The following DPP6 variants were observed in gnomAD, a reference collection of about 807,000 sequenced individuals.
The protein encoded by DPP6 is A-type potassium channel modulatory protein DPP6.
In DPP6, 69 loss-of-function variants were observed where a neutral mutation model predicts 122.6. That is an observed-to-expected ratio of 0.56 (90% CI 0.46 to 0.69). DPP6 has a LOEUF of 0.69. Among genes scored for constraint, DPP6 ranks in the 30% least tolerant of loss-of-function variants. The pLI, the probability that DPP6 is intolerant of heterozygous loss-of-function variation, is 0.00. For missense variants in DPP6, 928 were observed against 1,116.9 expected, an observed-to-expected ratio of 0.83 and a Z score of 2.41; for synonymous variants, 418 against 433.1, an observed-to-expected ratio of 0.97 and a Z score of 0.43.
chr7:154,321,291 G>GA (rs963207899), intron 1 of DPP6, among the ~76,000 whole-genome samples: 4 of 148,612 alleles, frequency 2.7e-5, no homozygotes, highest in African/African-American at 5.0e-5. Context: ...AAAAAAAAAA[G>GA]AAAAAATGCT....
At position 154,550,041 on chromosome 7, in the gene DPP6, ATGAG is replaced by A. The variant is rs1447825202; in HGVS notation, c.552+9417_552+9420del. On this transcript the variant is annotated intron_variant, in intron 4 of 25. Transcript: ENST00000377770. ...TTGTTATTTTATTTGGAAATAAAGAATGAGTATTATTTAAATTGAACATAACTTT... is the reference window on the plus strand; with the variant it reads ...TTGTTATTTTATTTGGAAATAAAGAATATTATTTAAATTGAACATAACTTT... Among the ~76,000 whole-genome samples the A allele has an allele frequency of 3.3e-5, 5 of 152,322 alleles. No individual in the cohort carries two copies. The East Asian group carries it at 9.6e-4, about 29-fold the overall frequency.
chr7:154,616,860 A>G (rs1834295651), intron 5 of DPP6, among the ~76,000 whole-genome samples: 1 of 152,198 alleles, frequency 6.6e-6, no homozygotes. Context: ...TACATCTTCA[A>G]ATTTTGTCTT....
At chr7:153,982,034 T>C (rs753114135) in intron 1 of DPP6, among the ~76,000 whole-genome samples, 1 of 152,236 alleles carries the variant, frequency 6.6e-6, no homozygotes, top group Non-Finnish European at 1.5e-5. Flanking sequence ...GGGTTGCCCT[T>C]CTTGAGGAGT....
chr7:154,414,644 C>G (rs1816869122), intron 1 of DPP6, among the ~76,000 whole-genome samples: 1 of 152,228 alleles, frequency 6.6e-6, no homozygotes, highest in African/African-American at 2.4e-5. Context: ...CAAAACAGAT[C>G]TGCTGTCAGA....
intron 1 of DPP6, among the ~76,000 whole-genome samples, chr7:154,337,184 A>G (rs1809501912): frequency 6.6e-6 from 1 of 152,204 alleles, no homozygotes. Context: ...ACTAGGGACA[A>G]GTGACTTTCA....
intron 1 of DPP6, among the ~76,000 whole-genome samples, chr7:154,356,287 G>A (rs1563536524): frequency 1.3e-5 from 2 of 152,130 alleles, no homozygotes; most frequent in South Asian, 2.1e-4. Context: ...TTATTTGGAT[G>A]TTTATTTTTC....
intron 1 of DPP6, among the ~76,000 whole-genome samples, chr7:154,295,311 C>A (rs370902447): frequency 6.6e-6 from 1 of 152,180 alleles, no homozygotes; most frequent in Admixed American, 6.5e-5. Flanking sequence ...TCATACAAAT[C>A]ACTCAGACTG....
chr7:154,378,451 A>G (rs985779916), intron 1 of DPP6, among the ~76,000 whole-genome samples: 8 of 152,214 alleles, frequency 5.3e-5, no homozygotes, highest in Admixed American at 5.2e-4. Flanking sequence ...AAACATCAAA[A>G]AGTTGAGAAA....
the DPP6 span, among the ~76,000 whole-genome samples, chr7:153,813,287 T>G: frequency 6.6e-6 from 1 of 151,996 alleles, no homozygotes; most frequent in African/African-American, 2.4e-5. Context: ...TTTGGTTTTC[T>G]GTTCTTGCGA....
chr7:154,749,608 C>G (rs553098666), intron 8 of DPP6, among the ~76,000 whole-genome samples: 24 of 135,200 alleles, frequency 1.8e-4, no homozygotes, highest in Non-Finnish European at 3.6e-4. Flanking sequence ...GGGATGGAGG[C>G]TTTACTGTGA....
chr7:154,203,192 A>G (rs1468147341), intron 1 of DPP6, among the ~76,000 whole-genome samples: 1 of 152,196 alleles, frequency 6.6e-6, no homozygotes, highest in Non-Finnish European at 1.5e-5. Flanking sequence ...CCGGCATATA[A>G]TGTTTGCAGC....
intron 1 of DPP6, among the ~76,000 whole-genome samples, chr7:154,279,770 C>T (rs1356205550): frequency 1.3e-5 from 2 of 152,162 alleles, no homozygotes; most frequent in Non-Finnish European, 2.9e-5. Context: ...CTTGGCAGTT[C>T]CCGTGATTTT....
intron 1 of DPP6, chr7:154,092,070 T>C (rs1804895804): frequency 6.6e-6 from 1 of 152,042 alleles, no homozygotes; most frequent in Non-Finnish European, 1.5e-5. Flanking sequence ...TCTCACAGAC[T>C]GGACCATCTG....
At chr7:154,350,044 GATGATTAAGTAAAA>G (rs1366554497) in intron 1 of DPP6, among the ~76,000 whole-genome samples, 2 of 152,190 alleles carry the variant, frequency 1.3e-5, no homozygotes, top group African/African-American at 4.8e-5. Context: ...CCTGGGGGGT[GATGATTAAGTAAAA>G]TATCAGTCAG....
Position 154,411,647 on chromosome 7 carries a change from G to A in DPP6, c.244-34567G>A. Among the ~76,000 whole-genome samples, 2 of 152,136 alleles carry A rather than the reference G, an allele frequency of 1.3e-5. 1 individual carries two copies. The highest frequency in any genetic ancestry group is 2.9e-5 in the Non-Finnish European group (2 of 68,028). Reference sequence around the variant, plus strand: ...CAGAAATTCTACCCCACAAGACAGAGTCAACTGTATACATGAAGACATTTA... The same window carrying A: ...CAGAAATTCTACCCCACAAGACAGAATCAACTGTATACATGAAGACATTTA... On this transcript the variant is annotated intron_variant, in intron 1 of 25. Transcript: ENST00000377770.
chr7:153,768,399 G>A, the DPP6 span, among the ~76,000 whole-genome samples: 2 of 152,034 alleles, frequency 1.3e-5, no homozygotes, highest in Non-Finnish European at 2.9e-5. Flanking sequence ...TAAGTAACTT[G>A]CCTAAGATCA....
chr7:153,885,641 G>C (rs909771803), upstream of DPP6, among the ~76,000 whole-genome samples: 1 of 152,078 alleles, frequency 6.6e-6, no homozygotes, highest in Non-Finnish European at 1.5e-5. Context: ...ACACTATTTT[G>C]TTATCACAGC....
At position 154,004,414 on chromosome 7, in the gene DPP6, G is replaced by A. The variant is rs145537679; in HGVS notation, c.51+116680G>A. On this transcript the variant is annotated intron_variant, in intron 1 of 25. Transcript: ENST00000404039. The stretch of plus-strand genomic sequence containing the variant: ...CAGATTAATTGAGATAGACATTTTG[G>A]TGGGGAGATATCTATGCATTGTTTT... 6.0e-3 allele frequency among the ~76,000 whole-genome samples: 910 copies of A among 152,128 alleles called. 10 individuals carry two copies. The highest frequency in any genetic ancestry group is 0.021 in the African/African-American group (888 of 41,482).
the DPP6 span, among the ~76,000 whole-genome samples, chr7:153,758,542 C>T: frequency 5.7e-3 from 863 of 152,228 alleles, 4 homozygotes; most frequent in African/African-American, 0.019. Flanking sequence ...TTTTTCCATC[C>T]GTAAGGAAAA....
Sources: gnomAD v4.1 joint callset for allele counts (sites outside exome capture counted in the v4.1 genomes callset) on GRCh38, gnomAD v4.1.1 for gene constraint, MANE v1.5 for transcripts, NCBI Gene and HGNC (gene_info 2026-07-23, HGNC 2026-07-21) for gene names.